Variants in KMT2D observed in about 807,000 individuals in gnomAD.
KMT2D encodes histone-lysine N-methyltransferase 2D.
KMT2D carries 55 observed loss-of-function variants against 512.7 expected under a neutral mutation model. The ratio of observed to expected loss-of-function variants is 0.11; its 90% confidence interval spans 0.09 to 0.13. The LOEUF is 0.13. Ranked by LOEUF, KMT2D falls within the 10% of genes least tolerant of loss-of-function variation. The pLI, the probability that KMT2D is intolerant of heterozygous loss-of-function variation, is 1.00. For missense variants in KMT2D, 6,061 were observed against 7,127.9 expected (o/e 0.85, Z 5.39); for synonymous variants, 2,995 against 2,904.0 (o/e 1.03, Z -1.01).
At position 49,051,541 on chromosome 12, in the gene KMT2D, CGAGTCCTCCGGTGGTGGGGAAGCAGGT is replaced by C. The variant is rs2120671676; in HGVS notation, c.2115_2141del (p.Pro706_Ser714del). On this transcript the variant is annotated inframe_deletion, in exon 11 of 55. Transcript: ENST00000301067. ...ACTCCTCCAGCGGCAGGGACATGAG[CGAGTCCTCCGGTGGTGGGGAAGCAGGT>C]GAGTCCTCAGGTGGTGGGGATGTGG... 2 of 1,612,250 alleles carry C rather than the reference CGAGTCCTCCGGTGGTGGGGAAGCAGGT, an allele frequency of 1.2e-6. No homozygotes were observed. The highest frequency in any genetic ancestry group is 8.5e-7 in the Non-Finnish European group (1 of 1,178,946).
In KMT2D at chr12:49,038,925, G is replaced by T. The variant is rs1465332696; in HGVS notation, c.8431C>A (p.Gln2811Lys). 2.6e-6 allele frequency: 4 copies of T among 1,551,650 alleles called. No individual in the cohort carries two copies. Among genetic ancestry groups the T allele is most frequent in the East Asian group, 2.4e-5 (1 of 40,934 alleles). Reference sequence around the variant, plus strand: ...TGCCACAGTTGTTGCTGTTGCTGCTGTAAGGGCAGGGACCCAGGATAGGGT... The same window carrying T: ...TGCCACAGTTGTTGCTGTTGCTGCTTTAAGGGCAGGGACCCAGGATAGGGT... The part of the protein sequence containing the change: ...RAPYPGSLPL[Q>K]QQQQQLWQQQ... Residue 2811 changes from glutamine (Q) to lysine (K), a missense_variant, in exon 35 of 55, where the codon CAG becomes AAG. Around this residue, in one of 16 missense-constraint regions of KMT2D, gnomAD observed 527 missense variants for 578.9 expected, o/e 0.91. Coordinates refer to ENST00000301067, the MANE Select transcript of KMT2D (RefSeq NM_003482.4). This position sits in a 1 kb window ranked among gnomAD's most constrained non-coding sequence, Gnocchi z 5.7.
At position 49,050,347 on chromosome 12, in the gene KMT2D, G is replaced by T. The variant is rs776189229; in HGVS notation, c.3241C>A (p.Pro1081Thr). 4.3e-6 allele frequency: 7 copies of T among 1,611,514 alleles called. No individual in the cohort carries two copies. In the Admixed American group the frequency reaches 1.2e-4, roughly 27 times the overall value. ...HEMETEKVSE[P>T]ECPALEPSAT... is the part of the protein sequence containing the mutation. ...CTGGGTTCCAAGGCTGGGCATTCAG[G>T]TTCTGAAACTTTCTCAGTCTCCATC... Residue 1081 changes from proline (P) to threonine (T), a missense_variant, in exon 12 of 55, where the codon CCT (proline) becomes ACT (threonine). This residue lies in a region of KMT2D where 447 missense variants were observed against 500.1 expected (regional missense o/e 0.89). Transcript: ENST00000301067.
At position 49,032,853 on chromosome 12, in the gene KMT2D, T is replaced by TGCTGTTGAA. The variant is rs2120435474; in HGVS notation, c.11843_11851dup (p.Leu3948_Gln3950dup). The TGCTGTTGAA allele has an allele frequency of 6.5e-7, 1 of 1,550,218 alleles. No individual in the cohort carries two copies. The highest frequency in any genetic ancestry group is 8.7e-7 in the Non-Finnish European group (1 of 1,146,706). On this transcript the variant is annotated inframe_insertion, in exon 40 of 55. Transcript: ENST00000301067. Reference sequence around the variant, plus strand: ...CTGTTGCTGTTGTAGCTGCTGTTGCTGCTGTTGAAGCTGTTGCTGCTGCTG... The same window carrying TGCTGTTGAA: ...CTGTTGCTGTTGTAGCTGCTGTTGCTGCTGTTGAAGCTGTTGAAGCTGTTGCTGCTGCTG...
chr12:49,041,341 C>T lies in KMT2D; in HGVS notation c.6429G>A (p.Leu2143=), dbSNP rs1190433428. The change falls in exon 32 of 55, where the codon CTG becomes CTA. Residue 2143 remains leucine (L), a synonymous_variant. Coordinates refer to ENST00000301067, the MANE Select transcript of KMT2D (RefSeq NM_003482.4). This position sits in a 1 kb window ranked among gnomAD's most constrained non-coding sequence, Gnocchi z 5.4. ...CAGGCACCGAGCCCGCCGGCGGCTT[C>T]AGGAACCCGTCCGCAGAGGTAGACA... ...AGLSTSADGF[L]KPPAGSVPGP... The T allele has an allele frequency of 6.4e-7, 1 of 1,550,812 alleles. No individual in the cohort carries two copies. Among genetic ancestry groups the T allele is most frequent in the Non-Finnish European group, 8.7e-7 (1 of 1,148,918 alleles).
At chr12:49,043,226 T>C (rs1316045632) in intron 25 of KMT2D, 40 bp from the exon 26 acceptor site, 3 of 1,574,814 alleles carry the variant, frequency 1.9e-6, no homozygotes, top group Non-Finnish European at 2.6e-6. Flanking sequence ...AAGGCCAGGA[T>C]GGGTCATGGC....
At position 49,031,042 on chromosome 12, in the gene KMT2D, A is replaced by G. The variant is rs749420724; in HGVS notation, c.13531-9T>C. 8 of 1,613,600 alleles carry G rather than the reference A, an allele frequency of 5.0e-6. No homozygotes were observed. The Admixed American group carries it at 6.7e-5, about 13-fold the overall frequency. On this transcript the variant is annotated splice_polypyrimidine_tract_variant and intron_variant, in intron 40 of 54. Coordinates refer to ENST00000301067, the MANE Select transcript of KMT2D (RefSeq NM_003482.4). Reference sequence around the variant, plus strand: ...TTCCTTGCTGCTGCATCCTAAGCCAAATAAGCCCATTGAAGGCTGCTACCC... The same window carrying G: ...TTCCTTGCTGCTGCATCCTAAGCCAGATAAGCCCATTGAAGGCTGCTACCC...
chr12:49,052,852 GC>G (rs1938160537), intron 9 of KMT2D, 62 bp downstream of exon 9: 1 of 1,603,468 alleles, frequency 6.2e-7, no homozygotes. Flanking sequence ...ATTTAACAAG[GC>G]CCCTGCCAAT....
chr12:49,038,704 T>A lies in KMT2D; in HGVS notation c.8652A>T (p.Val2884=), dbSNP rs1346195766. The change falls in exon 35 of 55, where the codon GTA becomes GTT. Residue 2884 remains valine, a synonymous_variant. Coordinates refer to ENST00000301067, the MANE Select transcript of KMT2D (RefSeq NM_003482.4). The surrounding 1 kb of genome is among the most constrained non-coding windows in gnomAD (Gnocchi z 5.7). ...PAQFIELRHN[V]QKGLGPGGTP... The stretch of plus-strand genomic sequence containing the variant: ...TGCCCCCAGGTCCCAGTCCTTTCTG[T>A]ACATTGTGCCGCAGCTCAATGAACT... 1 of 1,611,298 alleles carries A rather than the reference T, an allele frequency of 6.2e-7. No homozygotes were observed. The highest frequency in any genetic ancestry group is 1.3e-5 in the African/African-American group (1 of 74,978).
chr12:49,032,676 G>C lies in KMT2D; in HGVS notation c.12029C>G (p.Ser4010Cys), dbSNP rs1341534320. 2 of 1,613,796 alleles carry C rather than the reference G, an allele frequency of 1.2e-6. No individual in the cohort carries two copies. The highest frequency in any genetic ancestry group is 3.3e-5 in the Admixed American group (2 of 59,998). Residue 4010 changes from serine (S) to cysteine (C), a missense_variant, in exon 40 of 55, where the codon TCT (serine) becomes TGT (cysteine). This residue lies in a region of KMT2D where 1,600 missense variants were observed against 1,754.9 expected (regional missense o/e 0.91). Coordinates refer to ENST00000301067, the MANE Select transcript of KMT2D (RefSeq NM_003482.4). ...GGTTGGACCCAGGGCTCCAGGGCTA[G>C]AAAAGTGTTGAAGAGGCTTTGCTGG... ...GMPAKPLQHF[S>C]SPGALGPTLL...
chr12:49,059,664 G>C lies in KMT2D; in HGVS notation c.-89C>G, dbSNP rs1201925254. 1.3e-5 allele frequency: 2 copies of C among 152,060 alleles called. No individual in the cohort carries two copies. The highest frequency in any genetic ancestry group is 2.9e-5 in the Non-Finnish European group (2 of 68,174). 9.4% of individuals were successfully genotyped at this position (152,060 alleles called of 1,614,324 possible). Reference sequence around the variant, plus strand: ...TCATCCGAGAACATGGCCAGAGCCCGGGCCGCTCCCCGACCTCCAACCGCC... The same window carrying C: ...TCATCCGAGAACATGGCCAGAGCCCCGGCCGCTCCCCGACCTCCAACCGCC... On this transcript the variant is annotated 5_prime_UTR_variant, in exon 1 of 55. Transcript: ENST00000301067.
intron 6 of KMT2D, 66 bp from the exon 7 acceptor site, chr12:49,053,707 C>T (rs533509060): frequency 1.3e-6 from 2 of 1,494,736 alleles, no homozygotes; most frequent in South Asian, 2.6e-5. Flanking sequence ...CATTGCTGTA[C>T]ACAAAACAGG....
intron 9 of KMT2D, 23 bp from the exon 10 acceptor site, chr12:49,052,732 G>C (rs371240686): frequency 6.2e-7 from 1 of 1,609,096 alleles, no homozygotes. Flanking sequence ...CAGGGGAGCA[G>C]GCACTGTGGC....
chr12:49,038,454 G>A lies in KMT2D; in HGVS notation c.8902C>T (p.Pro2968Ser), dbSNP rs1238123508. 2.5e-6 allele frequency: 4 copies of A among 1,609,290 alleles called. No individual in the cohort carries two copies. Among genetic ancestry groups the A allele is most frequent in the Non-Finnish European group, 3.4e-6 (4 of 1,176,734 alleles). The change falls in exon 35 of 55, where the codon CCG (proline) becomes TCG (serine). Residue 2968 changes from proline (P) to serine (S), a missense_variant. Pro to Ser is a moderately conservative substitution (Grantham distance 74, BLOSUM62 -1). Around this residue, in one of 16 missense-constraint regions of KMT2D, gnomAD observed 527 missense variants for 578.9 expected, o/e 0.91. Coordinates refer to ENST00000301067, the MANE Select transcript of KMT2D (RefSeq NM_003482.4). This position sits in a 1 kb window ranked among gnomAD's most constrained non-coding sequence, Gnocchi z 5.7. Reference sequence around the variant, plus strand: ...GGGCGGCCAAGCTCAGTGCTCGACGGGGGCCGGTTGACCAGCTCCAAACCA... The same window carrying A: ...GGGCGGCCAAGCTCAGTGCTCGACGAGGGCCGGTTGACCAGCTCCAAACCA... Reference protein sequence around the residue: ...PTGLELVNRPPSSTELGRPNP... With the variant: ...PTGLELVNRPSSSTELGRPNP...
rs2120495291 is a variant in KMT2D at position 49,038,359 on chromosome 12, G to T, written c.8997C>A (p.Ala2999=). The T allele has an allele frequency of 6.2e-7, 1 of 1,613,852 alleles. No individual in the cohort carries two copies. The highest frequency in any genetic ancestry group is 8.5e-7 in the Non-Finnish European group (1 of 1,179,872). ...EDPELDDDFD[A]HKALEDDEEL... ...CTTCATCATCCTCTAGGGCCTTGTG[G>T]GCATCAAAATCGTCATCCAGCTCGG... is the stretch of plus-strand genomic sequence containing the variant. The change falls in exon 35 of 55, where the codon GCC becomes GCA. Residue 2999 remains alanine (A), a synonymous_variant. Coordinates refer to ENST00000301067, the MANE Select transcript of KMT2D (RefSeq NM_003482.4). This position sits in a 1 kb window ranked among gnomAD's most constrained non-coding sequence, Gnocchi z 5.7.
Position 49,060,208 on chromosome 12 carries a change from G to C in KMT2D, c.-633C>G, listed in dbSNP as rs185396124. Among the ~76,000 whole-genome samples the C allele has an allele frequency of 6.6e-6, 1 of 151,950 alleles. No individual in the cohort carries two copies. Among genetic ancestry groups the C allele is most frequent in the African/African-American group, 2.4e-5 (1 of 41,490 alleles). ...CTGAACCTGACACACACCCAGCGCC[G>C]GGCTTCTCGACCCCGAGCGCTCACC... On this transcript the variant is annotated 5_prime_UTR_variant, in exon 1 of 55. Coordinates refer to ENST00000301067, the MANE Select transcript of KMT2D (RefSeq NM_003482.4).
In KMT2D at chr12:49,027,013, C is replaced by G. The variant is rs1175086236; in HGVS notation, c.14953G>C (p.Val4985Leu). The change falls in exon 49 of 55, where the codon GTG (valine) becomes CTG (leucine). Residue 4985 changes from valine to leucine, a missense_variant. This residue lies in a region of KMT2D where 1,600 missense variants were observed against 1,754.9 expected (regional missense o/e 0.91). Transcript: ENST00000301067. ...AGCAGCCGAAGCCGCTTCCAGCGCA[C>G]TCCTTTCCATTTCTTGAGGCGAGGA... The part of the protein sequence containing the change: ...RPPRLKKWKG[V>L]RWKRLRLLLT... The G allele has an allele frequency of 4.3e-6, 7 of 1,613,954 alleles. No individual in the cohort carries two copies. Among genetic ancestry groups the G allele is most frequent in the Non-Finnish European group, 5.9e-6 (7 of 1,179,920 alleles).
rs1401527918 is a variant in KMT2D, at chr12:49,054,272, C to A, written c.510+35G>T. Reference sequence around the variant, plus strand: ...GACTCTCAGAAGCCCACCAGCCCTGCCCTTCACCTATGCAATCCCCTGGCC... The same window carrying A: ...GACTCTCAGAAGCCCACCAGCCCTGACCTTCACCTATGCAATCCCCTGGCC... On this transcript the variant is annotated intron_variant, in intron 5 of 54. Coordinates refer to ENST00000301067, the MANE Select transcript of KMT2D (RefSeq NM_003482.4). This position sits in a 1 kb window ranked among gnomAD's most constrained non-coding sequence, Gnocchi z 6.4. The A allele has an allele frequency of 1.3e-6, 2 of 1,553,962 alleles. No individual in the cohort carries two copies. Among genetic ancestry groups the A allele is most frequent in the Non-Finnish European group, 1.7e-6 (2 of 1,145,838 alleles).
At position 49,031,954 on chromosome 12, in the gene KMT2D, A is replaced by G. The variant is rs2120426674; in HGVS notation, c.12751T>C (p.Ser4251Pro). ...CAGCCCAGGAGGCCCTGGAGGGGAG[A>G]GGTCTGGGTCCCAGGCTCCTGGTAG... ...PPYQEPGTQTSPLQGLLGCQP... is the reference protein window; with the variant it reads ...PPYQEPGTQTPPLQGLLGCQP... The change falls in exon 40 of 55, where the codon TCT (serine) becomes CCT (proline). Residue 4251 changes from serine (S) to proline (P), a missense_variant. By Grantham distance (74) the Ser-to-Pro change is moderately conservative (BLOSUM62 -1). Coordinates refer to ENST00000301067, the MANE Select transcript of KMT2D (RefSeq NM_003482.4). 1 of 1,552,552 alleles carries G rather than the reference A, an allele frequency of 6.4e-7. No homozygotes were observed. Among genetic ancestry groups the G allele is most frequent in the East Asian group, 2.3e-5 (1 of 44,330 alleles).
In KMT2D at chr12:49,042,502, C is replaced by G; in HGVS notation, c.5867+59G>C. 2 of 1,577,232 alleles carry G rather than the reference C, an allele frequency of 1.3e-6. No homozygotes were observed. Among genetic ancestry groups the G allele is most frequent in the East Asian group, 4.6e-5 (2 of 43,848 alleles). Reference sequence around the variant, plus strand: ...GAGTCCGAGGGAGGCAAAGCATGAACTCAGATGGAGGGAAAGGACAACGAG... The same window carrying G: ...GAGTCCGAGGGAGGCAAAGCATGAAGTCAGATGGAGGGAAAGGACAACGAG... On this transcript the variant is annotated intron_variant, in intron 28 of 54. Coordinates refer to ENST00000301067, the MANE Select transcript of KMT2D (RefSeq NM_003482.4). This position sits in a 1 kb window ranked among gnomAD's most constrained non-coding sequence, Gnocchi z 4.4.
Sources: gnomAD v4.1 joint callset for allele counts (sites outside exome capture counted in the v4.1 genomes callset) on GRCh38, gnomAD v4.1.1 for gene constraint, gnomAD v4.1.1 regional missense constraint, Gnocchi (gnomAD v3.1) non-coding constraint, MANE v1.5 for transcripts, NCBI Gene and HGNC (gene_info 2026-07-23, HGNC 2026-07-21) for gene names.